Variants in METTL15 observed in about 807,000 individuals in gnomAD.
The protein encoded by METTL15 is methyltransferase 15, mitochondrial 12S rRNA N4-cytidine.
In METTL15, 34 loss-of-function variants were observed where a neutral mutation model predicts 38.3. The observed-to-expected ratio is 0.89, with a 90% CI of 0.68 to 1.18. The LOEUF is 1.18. Ranked by LOEUF, METTL15 falls within the 50% of genes most tolerant of loss-of-function variation. The pLI is 0.00. For missense variants in METTL15, 438 were observed against 498.4 expected, an observed-to-expected ratio of 0.88 and a Z score of 1.15; for synonymous variants, 162 against 170.9, an observed-to-expected ratio of 0.95 and a Z score of 0.41.
intron 5 of METTL15, among the ~76,000 whole-genome samples, chr11:28,377,611 C>T (rs1274063136): frequency 2.6e-5 from 4 of 151,888 alleles, no homozygotes; most frequent in Non-Finnish European, 5.9e-5. Context: ...TGAATGTCCT[C>T]CCGTAGCTCA....
chr11:28,378,134 G>T (rs969365180), intron 5 of METTL15, among the ~76,000 whole-genome samples: 10 of 152,166 alleles, frequency 6.6e-5, no homozygotes, highest in African/African-American at 2.4e-4. Context: ...GCCCCCAGAG[G>T]TGGAGCCTAC....
At chr11:28,112,201 T>C (rs752321714) in intron 2 of METTL15, among the ~76,000 whole-genome samples, 1 of 152,174 alleles carries the variant, frequency 6.6e-6, no homozygotes, top group Non-Finnish European at 1.5e-5. Context: ...TGAGAACATA[T>C]GGTTTTTGGT....
intron 3 of METTL15, among the ~76,000 whole-genome samples, chr11:28,153,336 C>T (rs758355501): frequency 6.6e-6 from 1 of 152,116 alleles, no homozygotes; most frequent in Non-Finnish European, 1.5e-5. Flanking sequence ...TAATATAATG[C>T]CTCTCCATCC....
intron 6 of METTL15, among the ~76,000 whole-genome samples, chr11:28,500,725 G>A (rs189091705): frequency 3.3e-5 from 5 of 152,180 alleles, no homozygotes; most frequent in African/African-American, 7.2e-5. Flanking sequence ...GTTTCACCAT[G>A]TTGGCCAGGC....
intron 6 of METTL15, among the ~76,000 whole-genome samples, chr11:28,438,409 T>A (rs1400065141): frequency 6.6e-6 from 1 of 152,212 alleles, no homozygotes; most frequent in African/African-American, 2.4e-5. Context: ...CTGGTAGATC[T>A]TAAAGTCCTT....
intron 4 of METTL15, among the ~76,000 whole-genome samples, chr11:28,220,652 A>G (rs887832151): frequency 3.3e-5 from 5 of 152,146 alleles, no homozygotes; most frequent in African/African-American, 9.7e-5. Flanking sequence ...GTTTCTTCCT[A>G]GCCTCGATGG....
intron 3 of METTL15, among the ~76,000 whole-genome samples, chr11:28,194,122 A>ATCTTTCTTTCTTTT (rs1851801877): frequency 1.0e-5 from 1 of 99,078 alleles, no homozygotes; most frequent in Non-Finnish European, 2.0e-5. Context: ...TTGATGGTTG[A>ATCTTTCTTTCTTTT]TCTTTCTTTC....
intron 3 of METTL15, among the ~76,000 whole-genome samples, chr11:28,175,893 T>C (rs1851055656): frequency 6.6e-6 from 1 of 151,880 alleles, no homozygotes; most frequent in Non-Finnish European, 1.5e-5. Flanking sequence ...GTGTAAGAGA[T>C]AGAAAATAAA....
intron 3 of METTL15, among the ~76,000 whole-genome samples, chr11:28,133,995 A>G (rs1849429574): frequency 6.6e-6 from 1 of 152,218 alleles, no homozygotes; most frequent in Non-Finnish European, 1.5e-5. Context: ...GCATTACTAT[A>G]CGAGTGACCA....
intron 5 of METTL15, among the ~76,000 whole-genome samples, chr11:28,401,897 T>A (rs764511465): frequency 6.6e-6 from 1 of 152,034 alleles, no homozygotes; most frequent in South Asian, 2.1e-4. Flanking sequence ...AATATTATAA[T>A]GTTAAGCTAC....
chr11:28,404,945 A>T (rs981001260), intron 5 of METTL15, among the ~76,000 whole-genome samples: 5 of 152,158 alleles, frequency 3.3e-5, no homozygotes, highest in Non-Finnish European at 5.9e-5. Context: ...AGAGCTTAAT[A>T]TTTGTAAGAC....
At chr11:28,469,608 G>A (rs1393042561) in intron 6 of METTL15, among the ~76,000 whole-genome samples, 1 of 152,090 alleles carries the variant, frequency 6.6e-6, no homozygotes, top group East Asian at 1.9e-4. Context: ...TTCTTCATCT[G>A]TAAAATGGGG....
At chr11:28,415,045 G>C (rs779027292) in intron 5 of METTL15, among the ~76,000 whole-genome samples, 2 of 152,210 alleles carry the variant, frequency 1.3e-5, no homozygotes, top group Non-Finnish European at 2.9e-5. Context: ...TACTATTGTG[G>C]ATCATGTCAT....
At chr11:28,312,154 C>T (rs1398406187) in intron 6 of METTL15, among the ~76,000 whole-genome samples, 1 of 152,192 alleles carries the variant, frequency 6.6e-6, no homozygotes, top group East Asian at 1.9e-4. Flanking sequence ...AGCCAGGTGA[C>T]ATGTTAGACC....
At chr11:28,305,126 T>G (rs1857037739) in intron 6 of METTL15, among the ~76,000 whole-genome samples, 1 of 152,204 alleles carries the variant, frequency 6.6e-6, no homozygotes, top group South Asian at 2.1e-4. Context: ...TTAAGTAAAC[T>G]TATGTTTTAT....
intron 4 of METTL15, among the ~76,000 whole-genome samples, chr11:28,218,085 T>C (rs1477731033): frequency 6.6e-6 from 1 of 152,184 alleles, no homozygotes; most frequent in Non-Finnish European, 1.5e-5. Context: ...TTTTTTCCTA[T>C]TCCGAGAAGA....
In METTL15 at chr11:28,263,371, T is replaced by C. The variant is rs1855287377; in HGVS notation, c.408-26835T>C. Among the ~76,000 whole-genome samples the C allele has an allele frequency of 1.3e-5, 2 of 152,122 alleles. 1 individual carries two copies. Among genetic ancestry groups the C allele is most frequent in the South Asian group, 4.1e-4 (2 of 4,832 alleles). On this transcript the variant is annotated intron_variant, in intron 4 of 6. Transcript: ENST00000407364. Reference sequence around the variant, plus strand: ...GTGTTATAGGCATAGATAACATTGATGAAGTGTAATTTAGTTTTGTAGTCA... The same window carrying C: ...GTGTTATAGGCATAGATAACATTGACGAAGTGTAATTTAGTTTTGTAGTCA...
intron 3 of METTL15, among the ~76,000 whole-genome samples, chr11:28,207,111 G>T (rs901160036): frequency 2.7e-5 from 4 of 148,624 alleles, no homozygotes; most frequent in Non-Finnish European, 5.9e-5. Context: ...TCCTTCTCTT[G>T]CCTCATTGCC....
intron 3 of METTL15, among the ~76,000 whole-genome samples, chr11:28,127,497 A>C (rs1852544994): frequency 6.6e-6 from 1 of 152,102 alleles, no homozygotes; most frequent in African/African-American, 2.4e-5. Flanking sequence ...AGCTGGAGTG[A>C]AAGGTAAATT....
Sources: gnomAD v4.1 joint callset for allele counts (sites outside exome capture counted in the v4.1 genomes callset) on GRCh38, gnomAD v4.1.1 for gene constraint, MANE v1.5 for transcripts, NCBI Gene and HGNC (gene_info 2026-07-23, HGNC 2026-07-21) for gene names.